TBCEL: variants seen among roughly 807,000 people sequenced by gnomAD.
TBCEL encodes tubulin-specific chaperone cofactor E-like protein.
A neutral mutation model predicts 44.2 loss-of-function variants in TBCEL; 15 were observed. The observed-to-expected ratio is 0.34, with a 90% CI of 0.23 to 0.52. The LOEUF (loss-of-function observed/expected upper bound fraction) is 0.52, where lower values mean the gene tolerates loss of function less well. Among genes scored for constraint, TBCEL ranks in the 20% least tolerant of loss-of-function variants. The pLI is 0.95. For missense variants in TBCEL, 319 were observed against 506.3 expected (o/e 0.63, Z 3.55); for synonymous variants, 171 against 185.4 (o/e 0.92, Z 0.63).
chr11:121,081,735 C>A (rs1192709448), intron 8 of TBCEL, among the ~76,000 whole-genome samples: 1 of 152,144 alleles, frequency 6.6e-6, no homozygotes. Flanking sequence ...ATTTACTAAT[C>A]TTTCCTGCTT....
chr11:121,083,593 A>T (rs1159195829), intron 8 of TBCEL, among the ~76,000 whole-genome samples: 1 of 152,232 alleles, frequency 6.6e-6, no homozygotes, highest in Non-Finnish European at 1.5e-5. Context: ...AATTTTGTGT[A>T]CAAATATGTT....
intron 8 of TBCEL, among the ~76,000 whole-genome samples, chr11:121,067,416 A>T (rs935974704): frequency 6.6e-6 from 1 of 152,210 alleles, no homozygotes; most frequent in Non-Finnish European, 1.5e-5. Context: ...GTGCTCAATT[A>T]TCCTTTTTAT....
chr11:121,054,798 G>C (rs1321317734), intron 5 of TBCEL: 5 of 308,306 alleles, frequency 1.6e-5, no homozygotes, highest in Non-Finnish European at 2.9e-5. Flanking sequence ...GCTTAATTTA[G>C]TACTTAATTA....
At chr11:121,069,177 C>T (rs1945878370) in intron 8 of TBCEL, among the ~76,000 whole-genome samples, 1 of 152,124 alleles carries the variant, frequency 6.6e-6, no homozygotes, top group African/African-American at 2.4e-5. Flanking sequence ...TCAATCTCCC[C>T]CCATGGTACT....
intron 2 of TBCEL, 34 bp downstream of exon 2, chr11:121,036,646 T>C (rs913388376): frequency 1.3e-5 from 2 of 152,112 alleles, no homozygotes; most frequent in African/African-American, 4.8e-5. Context: ...TTGTCTTAAT[T>C]TTTTTCCCCT....
Position 121,087,146 on chromosome 11 carries a change from A to G in TBCEL, c.*50A>G. ...TACACATAAGGACTTGTTGCAGGGC[A>G]TTTGTTTTTAATGTGGTTTTCTTTA... is the stretch of plus-strand genomic sequence containing the variant. On this transcript the variant is annotated 3_prime_UTR_variant, in exon 9 of 9. Transcript: ENST00000683345. 1 of 1,526,726 alleles carries G rather than the reference A, an allele frequency of 6.5e-7. No homozygotes were observed. Among genetic ancestry groups the G allele is most frequent in the South Asian group, 1.3e-5 (1 of 79,452 alleles). 94.6% of individuals were successfully genotyped at this position (1,526,726 alleles called of 1,614,324 possible). A position where few individuals can be genotyped will look rare whatever the true frequency, so the allele number is the denominator to read the frequency against.
intron 2 of TBCEL, among the ~76,000 whole-genome samples, chr11:121,037,896 G>A (rs1157884863): frequency 6.6e-6 from 1 of 151,500 alleles, no homozygotes; most frequent in Non-Finnish European, 1.5e-5. Flanking sequence ...ACTACATGGT[G>A]GGGTTACTGG....
At chr11:121,050,930 A>G (rs1474170713) in intron 4 of TBCEL, among the ~76,000 whole-genome samples, 4 of 151,684 alleles carry the variant, frequency 2.6e-5, no homozygotes, top group East Asian at 3.9e-4. Context: ...AGAAGTCAAT[A>G]TACTGCCCTA....
intron 8 of TBCEL, among the ~76,000 whole-genome samples, chr11:121,060,821 A>C (rs1490649900): frequency 6.6e-6 from 1 of 151,974 alleles, no homozygotes; most frequent in Non-Finnish European, 1.5e-5. Flanking sequence ...GATAATATGA[A>C]TACCCATTTG....
intron 8 of TBCEL, among the ~76,000 whole-genome samples, chr11:121,063,995 T>G (rs1591405219): frequency 6.6e-6 from 1 of 152,218 alleles, no homozygotes; most frequent in African/African-American, 2.4e-5. Flanking sequence ...ATTACTTATC[T>G]TAGCTGACAA....
At chr11:121,078,038 G>T (rs1477465914) in intron 8 of TBCEL, among the ~76,000 whole-genome samples, 3 of 151,410 alleles carry the variant, frequency 2.0e-5, no homozygotes, top group African/African-American at 7.3e-5. Context: ...TACCTTTCTG[G>T]TTTAGAATAT....
intron 8 of TBCEL, among the ~76,000 whole-genome samples, chr11:121,082,357 G>GT (rs1946141101): frequency 6.6e-6 from 1 of 152,206 alleles, no homozygotes; most frequent in Admixed American, 6.5e-5. Flanking sequence ...TACTTTTCAT[G>GT]TGTGCCATCT....
intron 8 of TBCEL, among the ~76,000 whole-genome samples, chr11:121,086,071 G>T (rs1946210959): frequency 6.6e-6 from 1 of 152,256 alleles, no homozygotes. Context: ...AGGGCTGGCA[G>T]TGCAGACAAG....
chr11:121,044,687 A>C (rs931720234), intron 2 of TBCEL, among the ~76,000 whole-genome samples: 1 of 152,072 alleles, frequency 6.6e-6, no homozygotes, highest in African/African-American at 2.4e-5. Context: ...GGTTGTTAGA[A>C]GTTAGCGTGT....
intron 2 of TBCEL, among the ~76,000 whole-genome samples, chr11:121,043,226 A>G (rs186326161): frequency 1.2e-4 from 18 of 152,272 alleles, no homozygotes; most frequent in South Asian, 6.2e-4. Flanking sequence ...CTGAGAGGCT[A>G]GCGATTTTAA....
At chr11:121,049,476 G>T (rs893024332) in intron 4 of TBCEL, among the ~76,000 whole-genome samples, 2 of 151,626 alleles carry the variant, frequency 1.3e-5, no homozygotes, top group African/African-American at 4.8e-5. Context: ...AAAATTCTTT[G>T]CAATGCATGT....
chr11:121,046,753 T>C (rs1945437779), intron 3 of TBCEL, among the ~76,000 whole-genome samples: 1 of 152,104 alleles, frequency 6.6e-6, no homozygotes, highest in South Asian at 2.1e-4. Context: ...TTATCCTTTT[T>C]AGTAGAGATT....
chr11:121,062,157 C>T (rs186677195), intron 8 of TBCEL, among the ~76,000 whole-genome samples: 20 of 151,992 alleles, frequency 1.3e-4, no homozygotes, highest in Admixed American at 2.0e-4. Flanking sequence ...ATCAATATCA[C>T]TATCTTCCAC....
intron 1 of TBCEL, among the ~76,000 whole-genome samples, chr11:121,027,024 G>A (rs1406197491): frequency 2.0e-5 from 3 of 152,268 alleles, no homozygotes; most frequent in Non-Finnish European, 4.4e-5. Flanking sequence ...TTGAAAATCA[G>A]ATATTTATAT....
Sources: allele counts gnomAD v4.1 joint callset (sites outside exome capture counted in the v4.1 genomes callset), GRCh38; gene constraint gnomAD v4.1.1; transcripts MANE v1.5; gene names NCBI Gene and HGNC (gene_info 2026-07-23, HGNC 2026-07-21).